Variants in PCDHAC2 observed in about 807,000 individuals in gnomAD.
The protein encoded by PCDHAC2 is protocadherin alpha-C2.
PCDHAC2 carries 24 observed loss-of-function variants against 63.3 expected under a neutral mutation model. The observed-to-expected ratio is 0.38, with a 90% CI of 0.27 to 0.53. The LOEUF (loss-of-function observed/expected upper bound fraction) is 0.53, where lower values mean the gene tolerates loss of function less well. Among genes scored for constraint, PCDHAC2 ranks in the 20% least tolerant of loss-of-function variants. The probability of loss-of-function intolerance (pLI) is 0.81; values close to 1 mark genes in which losing one functional copy is unlikely to be tolerated. For synonymous variants in PCDHAC2, 569 were observed against 529.4 expected, an observed-to-expected ratio of 1.07 and a Z score of -1.03; for missense variants, 1,181 against 1,275.2, an observed-to-expected ratio of 0.93 and a Z score of 1.12.
intron 3 of PCDHAC2, among the ~76,000 whole-genome samples, chr5:140,999,693 A>AT (rs202183337): frequency 0.011 from 1,632 of 151,520 alleles, 13 homozygotes; most frequent in Middle Eastern, 0.058. Flanking sequence ...AAGAAATGTG[A>AT]TTTTTTTTTA....
intron 3 of PCDHAC2, among the ~76,000 whole-genome samples, chr5:140,997,002 G>T (rs534893055): frequency 1.3e-5 from 2 of 152,118 alleles, no homozygotes; most frequent in East Asian, 1.9e-4. Context: ...TAACAATTTT[G>T]TGTGTATCCT....
chr5:140,971,091 T>G (rs1355075556), intron 1 of PCDHAC2, among the ~76,000 whole-genome samples: 1 of 152,180 alleles, frequency 6.6e-6, no homozygotes, highest in Non-Finnish European at 1.5e-5. Flanking sequence ...AACAAATTCT[T>G]GTGAAGCCCT....
chr5:140,996,524 C>A (rs1303736536), intron 3 of PCDHAC2, among the ~76,000 whole-genome samples: 3 of 152,048 alleles, frequency 2.0e-5, no homozygotes, highest in African/African-American at 7.2e-5. Flanking sequence ...TTAGAAAGGC[C>A]CTGTGTGTTT....
At chr5:140,983,239 C>A (rs557831259) in intron 3 of PCDHAC2, among the ~76,000 whole-genome samples, 53 of 152,294 alleles carry the variant, frequency 3.5e-4, no homozygotes, top group African/African-American at 1.2e-3. Context: ...GGAAAGAGAA[C>A]CTGCTAAGTT....
intron 3 of PCDHAC2, among the ~76,000 whole-genome samples, chr5:140,990,953 A>G (rs371951430): frequency 6.6e-6 from 1 of 152,194 alleles, no homozygotes; most frequent in Non-Finnish European, 1.5e-5. Flanking sequence ...GACTGTAGAA[A>G]TAGTCTCTTA....
intron 3 of PCDHAC2, among the ~76,000 whole-genome samples, chr5:140,984,789 A>G (rs2097121266): frequency 6.6e-6 from 1 of 152,202 alleles, no homozygotes; most frequent in African/African-American, 2.4e-5. Context: ...GGGTGAGCAT[A>G]GACAAACTGC....
In PCDHAC2 at chr5:140,968,639, G is replaced by C. The variant is rs1278507600; in HGVS notation, c.1873G>C (p.Ala625Pro). 6.2e-7 allele frequency: 1 copy of C among 1,614,032 alleles called. No homozygotes were observed. The highest frequency in any genetic ancestry group is 8.5e-7 in the Non-Finnish European group (1 of 1,180,038). ...AAATGCTTGGCTTTTTTACCATCTA[G>C]CCCAGACTTCTGACCTGGACCTCTT... Reference protein sequence around the residue: ...GQNAWLFYHLAQTSDLDLFKV... With the variant: ...GQNAWLFYHLPQTSDLDLFKV... The change falls in exon 1 of 4, where the codon GCC (alanine) becomes CCC (proline). Residue 625 changes from alanine (A) to proline (P), a missense_variant. Coordinates refer to ENST00000289269, the MANE Select transcript of PCDHAC2 (RefSeq NM_018899.6).
Position 140,966,765 on chromosome 5 carries a change from C to G in PCDHAC2, c.-2C>G, listed in dbSNP as rs2096051420. ...CGGCTGCCTCCGCCGCGGCCAGTGG[C>G]TATGGAGCAGGCGGGCACCAGACCT... On this transcript the variant is annotated 5_prime_UTR_variant, in exon 1 of 4. Transcript: ENST00000289269. 4.7e-6 allele frequency: 7 copies of G among 1,482,914 alleles called. No homozygotes were observed. Among genetic ancestry groups the G allele is most frequent in the Non-Finnish European group, 6.3e-6 (7 of 1,118,630 alleles). The allele number at this position is 1,482,914 out of a possible 1,614,324, so 91.9% of individuals were successfully genotyped here.
intron 3 of PCDHAC2, among the ~76,000 whole-genome samples, chr5:140,994,916 G>C (rs191112964): frequency 2.0e-5 from 3 of 152,332 alleles, no homozygotes; most frequent in Admixed American, 1.3e-4. Context: ...ACTGGAATCA[G>C]ATTTTGTAGG....
rs199928168 is a variant in PCDHAC2, at chr5:141,009,915, C to T, written c.3002C>T (p.Thr1001Met). The part of the protein sequence containing the change: ...TQEKKEKGNS[T>M]TDNSDQ The stretch of plus-strand genomic sequence containing the variant: ...GAGAAAAAAGAGAAAGGGAACAGCA[C>T]GACTGACAACAGTGACCAGTGAGGT... The change falls in exon 4 of 4, where the codon ACG becomes ATG. Residue 1001 changes from threonine to methionine, a missense_variant. Physicochemically the swap from Thr to Met is moderately conservative, Grantham distance 81. This residue lies in a region of PCDHAC2 where 968 missense variants were observed against 1,073.5 expected (regional missense o/e 0.90). Coordinates refer to ENST00000289269, the MANE Select transcript of PCDHAC2 (RefSeq NM_018899.6). The T allele has an allele frequency of 9.0e-4, 1,448 of 1,611,544 alleles. 2 individuals carry two copies. Among genetic ancestry groups the T allele is most frequent in the Admixed American group, 3.7e-3 (222 of 59,324 alleles).
chr5:140,998,965 G>C (rs1320225650), intron 3 of PCDHAC2, among the ~76,000 whole-genome samples: 1 of 152,232 alleles, frequency 6.6e-6, no homozygotes, highest in Non-Finnish European at 1.5e-5. Context: ...TAATCAAATA[G>C]TATCCTAGAA....
chr5:140,966,816 G>A lies in PCDHAC2; in HGVS notation c.50G>A (p.Arg17Gln), dbSNP rs1448171487. Residue 17 changes from arginine (R) to glutamine (Q), a missense_variant, in exon 1 of 4, where the codon CGG becomes CAG. Arg to Gln is a conservative substitution (Grantham distance 43). Transcript: ENST00000289269. ...RPAATEHPRL[R>Q]RPMPWLLLLP... ...GCGGCGACAGAGCATCCACGGCTCC[G>A]GCGGCCCATGCCCTGGCTGCTGCTA... 5.2e-6 allele frequency: 8 copies of A among 1,553,302 alleles called. No homozygotes were observed. The East Asian group carries it at 7.2e-5, about 14-fold the overall frequency.
At position 140,968,132 on chromosome 5, in the gene PCDHAC2, A is replaced by G; in HGVS notation, c.1366A>G (p.Lys456Glu). 6.2e-7 allele frequency: 1 copy of G among 1,614,082 alleles called. No individual in the cohort carries two copies. Among genetic ancestry groups the G allele is most frequent in the Non-Finnish European group, 8.5e-7 (1 of 1,180,006 alleles). The change falls in exon 1 of 4, where the codon AAG becomes GAG. Residue 456 changes from lysine (K) to glutamate (E), a missense_variant. By Grantham distance (56) the Lys-to-Glu change is moderately conservative (BLOSUM62 1). Transcript: ENST00000289269. ...GCAGCTCACATCCCTGCGTACACTG[A>G]AGGTTGAGATCTCTGACATCAATGA... The part of the protein sequence containing the change: ...IPQLTSLRTL[K>E]VEISDINDNP...
intron 3 of PCDHAC2, among the ~76,000 whole-genome samples, chr5:140,993,102 C>T (rs979360910): frequency 2.6e-5 from 4 of 152,272 alleles, no homozygotes; most frequent in South Asian, 4.1e-4. Flanking sequence ...GTTTATTCAG[C>T]GGTCAGTGTC....
At chr5:141,000,347 C>T (rs1587871994) in intron 3 of PCDHAC2, among the ~76,000 whole-genome samples, 1 of 114,796 alleles carries the variant, frequency 8.7e-6, no homozygotes, top group Non-Finnish European at 1.8e-5. Flanking sequence ...CTATCTCTCT[C>T]TCTGTCTCTC....
intron 3 of PCDHAC2, among the ~76,000 whole-genome samples, chr5:141,006,727 G>A (rs2098285106): frequency 6.6e-6 from 1 of 152,080 alleles, no homozygotes. Context: ...AGAAATGACA[G>A]GTCTTGATGA....
intron 3 of PCDHAC2, among the ~76,000 whole-genome samples, chr5:141,000,361 G>GTCTCTCTCTC (rs148596731): frequency 1.1e-4 from 3 of 26,446 alleles, no homozygotes; most frequent in East Asian, 1.6e-3. Context: ...GTCTCTCTCT[G>GTCTCTCTCTC]TCTCTCTCTC....
chr5:140,997,606 A>G (rs1554255929), intron 3 of PCDHAC2, among the ~76,000 whole-genome samples: 1 of 152,090 alleles, frequency 6.6e-6, no homozygotes, highest in Non-Finnish European at 1.5e-5. Context: ...TATGGGGCGC[A>G]TGACTATATA....
Position 141,009,665 on chromosome 5 carries a change from G to T in PCDHAC2, c.2752G>T (p.Gly918Cys). 6.2e-7 allele frequency: 1 copy of T among 1,614,022 alleles called. No individual in the cohort carries two copies. Among genetic ancestry groups the T allele is most frequent in the Non-Finnish European group, 8.5e-7 (1 of 1,180,006 alleles). The change falls in exon 4 of 4, where the codon GGT becomes TGT. Residue 918 changes from glycine to cysteine, a missense_variant. By Grantham distance (159) the Gly-to-Cys change is radical (BLOSUM62 -3). Transcript: ENST00000289269. The stretch of plus-strand genomic sequence containing the variant: ...AGAAGTGTCCCCTCCAGTCGGTGCG[G>T]GTGTCAACAGCAACAGCTGGACCTT... ...AGEVSPPVGA[G>C]VNSNSWTFKY...
Sources: gnomAD v4.1 joint callset for allele counts (sites outside exome capture counted in the v4.1 genomes callset) on GRCh38, gnomAD v4.1.1 for gene constraint, gnomAD v4.1.1 regional missense constraint, MANE v1.5 for transcripts, NCBI Gene and HGNC (gene_info 2026-07-23, HGNC 2026-07-21) for gene names.